Variants in CFAP99 observed in about 807,000 individuals in gnomAD.
CFAP99 encodes the protein cilia and flagella associated protein 99, also known as cilia- and flagella-associated protein 99.
Under a neutral mutation model 82.7 loss-of-function variants are expected in CFAP99, and 84 were observed. That is an observed-to-expected ratio of 1.02 (90% CI 0.85 to 1.22). The LOEUF is 1.22. Ranked by LOEUF, CFAP99 falls within the 50% of genes most tolerant of loss-of-function variation. The probability of loss-of-function intolerance (pLI) is 0.00; values close to 1 mark genes in which losing one functional copy is unlikely to be tolerated. For missense variants in CFAP99, 1,059 were observed against 983.5 expected (o/e 1.08, Z -1.03); for synonymous variants, 456 against 429.5 (o/e 1.06, Z -0.76).
At chr4:2,439,596 C>T (rs73076303) in intron 4 of CFAP99, among the ~76,000 whole-genome samples, 6,190 of 152,298 alleles carry the variant, frequency 0.041, 436 homozygotes, top group African/African-American at 0.14. Context: ...GCACTGTACA[C>T]ATCAATGACA....
rs926769174 is a variant in CFAP99, at chr4:2,436,481, C to A, written c.112-393C>A. On this transcript the variant is annotated intron_variant, in intron 2 of 14. Transcript: ENST00000635017. ...TGCATCCATCACTGCCCTCTATCTG[C>A]AGAAGCTTTTCATCCGAGCGAACTG... Among the ~76,000 whole-genome samples the A allele has an allele frequency of 4.6e-5, 7 of 152,326 alleles. No homozygotes were observed. In the East Asian group the frequency reaches 1.4e-3, roughly 29 times the overall value.
chr4:2,442,072 C>G (rs1010111082), intron 4 of CFAP99, among the ~76,000 whole-genome samples: 1 of 152,192 alleles, frequency 6.6e-6, no homozygotes, highest in Non-Finnish European at 1.5e-5. Flanking sequence ...CCCACCACAC[C>G]CCAGTGAGGA....
At chr4:2,449,101 C>T (rs561094969) in intron 6 of CFAP99, among the ~76,000 whole-genome samples, 2 of 152,156 alleles carry the variant, frequency 1.3e-5, no homozygotes, top group Admixed American at 6.5e-5. Flanking sequence ...GAGGGTAATA[C>T]AGCAGTCTGG....
intron 4 of CFAP99, among the ~76,000 whole-genome samples, chr4:2,438,612 A>T (rs1316380956): frequency 6.6e-6 from 1 of 152,038 alleles, no homozygotes; most frequent in Non-Finnish European, 1.5e-5. Flanking sequence ...CTGTATTTCA[A>T]AGAAGTAGCA....
chr4:2,462,468 G>T lies in CFAP99; in HGVS notation c.1687G>T (p.Ala563Ser). The T allele has an allele frequency of 6.8e-7, 1 of 1,467,910 alleles. No homozygotes were observed. The highest frequency in any genetic ancestry group is 1.3e-5 in the South Asian group (1 of 76,478). 90.9% of individuals were successfully genotyped at this position (1,467,910 alleles called of 1,614,324 possible). A position where few individuals can be genotyped will look rare whatever the true frequency, so the allele number is the denominator to read the frequency against. ...GTGGGAGGAAAAGAAGGCCCTTGCGGCGGCCCCGGCGGCGCCCTCGCAGGA... is the reference window on the plus strand; with the variant it reads ...GTGGGAGGAAAAGAAGGCCCTTGCGTCGGCCCCGGCGGCGCCCTCGCAGGA... Residue 563 changes from alanine to serine, a missense_variant, in exon 15 of 15, where the codon GCG becomes TCG. Physicochemically the swap from Ala to Ser is moderately conservative, Grantham distance 99 (BLOSUM62 1). Coordinates refer to ENST00000635017, the Ensembl canonical transcript of CFAP99. The surrounding 1 kb of genome is among the most constrained non-coding windows in gnomAD (Gnocchi z 4.1).
rs1052443715 is a variant in CFAP99 at position 2,434,441 on chromosome 4, C to T, written c.112-2433C>T. Among the ~76,000 whole-genome samples the T allele has an allele frequency of 5.3e-5, 8 of 152,204 alleles. No individual in the cohort carries two copies. In the South Asian group the frequency reaches 6.2e-4, roughly 12 times the overall value. On this transcript the variant is annotated intron_variant, in intron 2 of 14. Transcript: ENST00000635017. ...GAGCCCTAGAACGAAGGACTGTCCC[C>T]GGGAGAATGTTGCTACCAGCTGGCA... is the stretch of plus-strand genomic sequence containing the variant.
exon 14 of CFAP99, chr4:2,460,054 G>A (rs1203340213): frequency 2.0e-6 from 3 of 1,535,850 alleles, no homozygotes; most frequent in African/African-American, 2.7e-5. Flanking sequence ...GCTACGGCCT[G>A]GAAGGAGAGA....
At chr4:2,449,980 C>A in exon 8 of CFAP99, 1 of 1,536,132 alleles carries the variant, frequency 6.5e-7, no homozygotes, top group Non-Finnish European at 8.7e-7. Context: ...TGCGCCATGC[C>A]CAGGTCCTGC....
rs116515106 is a variant in CFAP99 at position 2,453,050 on chromosome 4, G to A, written c.1161+704G>A. Among the ~76,000 whole-genome samples the A allele has an allele frequency of 4.7e-3, 715 of 152,238 alleles. 10 individuals carry two copies. The highest frequency in any genetic ancestry group is 0.015 in the African/African-American group (637 of 41,540). Reference sequence around the variant, plus strand: ...TGCACTCCATCCTGGGCGACAGAGCGTAACTGTCTCAAAAACAAAACAAAC... The same window carrying A: ...TGCACTCCATCCTGGGCGACAGAGCATAACTGTCTCAAAAACAAAACAAAC... On this transcript the variant is annotated intron_variant, in intron 11 of 14. Transcript: ENST00000635017.
chr4:2,421,673 C>T (rs1733588885), intron 1 of CFAP99, among the ~76,000 whole-genome samples: 1 of 151,902 alleles, frequency 6.6e-6, no homozygotes, highest in South Asian at 2.1e-4. Context: ...TTTAAAGTTG[C>T]CTTAAATATA....
At chr4:2,457,157 G>T (rs1179271367) in intron 11 of CFAP99, among the ~76,000 whole-genome samples, 1 of 151,760 alleles carries the variant, frequency 6.6e-6, no homozygotes, top group East Asian at 1.9e-4. Flanking sequence ...TCACTATGTT[G>T]GTCTCAAACT....
chr4:2,461,987 G>C (rs1292908989), intron 14 of CFAP99, among the ~76,000 whole-genome samples: 1 of 150,726 alleles, frequency 6.6e-6, no homozygotes, highest in Admixed American at 6.6e-5. Flanking sequence ...TTAAAAAAAT[G>C]TTAAGTTTAA....
chr4:2,425,539 A>G (rs1400397932), intron 1 of CFAP99, among the ~76,000 whole-genome samples: 1 of 152,090 alleles, frequency 6.6e-6, no homozygotes, highest in Non-Finnish European at 1.5e-5. Flanking sequence ...ACTGTCCCCA[A>G]CTTTGGTGGC....
At chr4:2,454,399 A>C (rs1734373393) in intron 11 of CFAP99, among the ~76,000 whole-genome samples, 1 of 152,016 alleles carries the variant, frequency 6.6e-6, no homozygotes, top group African/African-American at 2.4e-5. Context: ...AGCCTCCCAA[A>C]GTGCTGGGAT....
At chr4:2,459,900 G>A (rs1196089064) in intron 13 of CFAP99, 137 bp from the exon 14 acceptor site, 1 of 740,604 alleles carries the variant, frequency 1.4e-6, no homozygotes, top group African/African-American at 1.7e-5. Flanking sequence ...AGAGGCTGGG[G>A]GCATGTTTCA....
rs1410382621 is a variant in CFAP99 at position 2,462,495 on chromosome 4, G to A, written c.1714G>A (p.Glu572Lys). The change falls in exon 15 of 15, where the codon GAG becomes AAG. Residue 572 changes from glutamate (E) to lysine (K), a missense_variant. Physicochemically the swap from Glu to Lys is moderately conservative, Grantham distance 56 (BLOSUM62 1). Coordinates refer to ENST00000635017, the Ensembl canonical transcript of CFAP99. The surrounding 1 kb of genome is among the most constrained non-coding windows in gnomAD (Gnocchi z 4.1). ...GGCCCCGGCGGCGCCCTCGCAGGAC[G>A]AGCGCGTGCAGCAGCTGCGGCGCAG... is the stretch of plus-strand genomic sequence containing the variant. 3 of 1,477,394 alleles carry A rather than the reference G, an allele frequency of 2.0e-6. No individual in the cohort carries two copies. The highest frequency in any genetic ancestry group is 1.3e-5 in the South Asian group (1 of 78,118). 91.5% of individuals were successfully genotyped at this position (1,477,394 alleles called of 1,614,324 possible). A position where few individuals can be genotyped will look rare whatever the true frequency, so the allele number is the denominator to read the frequency against.
chr4:2,457,782 G>A lies in CFAP99; in HGVS notation c.1162-941G>A, dbSNP rs116728614. On this transcript the variant is annotated intron_variant, in intron 11 of 14. Coordinates refer to ENST00000635017, the Ensembl canonical transcript of CFAP99. ...TTCCTCTGTGCCGACTCCCTATTCC[G>A]TGCCGAGGCTGGTGCTGTGGCTGAT... Among the ~76,000 whole-genome samples, 793 of 152,134 alleles carry A rather than the reference G, an allele frequency of 5.2e-3. 6 individuals carry two copies. The highest frequency in any genetic ancestry group is 0.018 in the African/African-American group (754 of 41,504).
chr4:2,459,209 C>A, exon 13 of CFAP99: 1 of 1,535,710 alleles, frequency 6.5e-7, no homozygotes, highest in Non-Finnish European at 8.7e-7. Context: ...CAGCTGCGCG[C>A]ACTCGAGACA....
Position 2,449,927 on chromosome 4 carries a change from G to A in CFAP99, c.724-7G>A. 2.6e-6 allele frequency: 4 copies of A among 1,536,194 alleles called. No homozygotes were observed. The highest frequency in any genetic ancestry group is 3.5e-6 in the Non-Finnish European group (4 of 1,146,932). On this transcript the variant is annotated splice_region_variant and splice_polypyrimidine_tract_variant and intron_variant, in intron 7 of 14. Transcript: ENST00000635017. ...GTGGGACTGGAGCCGCTGTGTCACT[G>A]TGGCAGGAGCTGCTGCTGAGGGCAA...
Sources: allele counts gnomAD v4.1 joint callset (sites outside exome capture counted in the v4.1 genomes callset), GRCh38; gene constraint gnomAD v4.1.1; non-coding constraint Gnocchi (gnomAD v3.1); transcripts MANE v1.5; gene names NCBI Gene and HGNC (gene_info 2026-07-23, HGNC 2026-07-21).